MEGF8: variants seen among roughly 807,000 people sequenced by gnomAD.
MEGF8 encodes the protein multiple epidermal growth factor-like domains protein 8.
In MEGF8, 156 loss-of-function variants were observed where a neutral mutation model predicts 302.9. That is an observed-to-expected ratio of 0.52 (90% CI 0.45 to 0.59). The LOEUF is 0.59. Ranked by LOEUF, MEGF8 falls within the 20% of genes least tolerant of loss-of-function variation. The pLI is 0.00. For synonymous variants in MEGF8, 1,621 were observed against 1,660.5 expected (o/e 0.98, Z 0.58); for missense variants, 3,345 against 3,964.5 (o/e 0.84, Z 4.20).
intron 38 of MEGF8, among the ~76,000 whole-genome samples, 174 bp from the exon 39 acceptor site, chr19:42,370,015 G>T (rs553093342): frequency 2.6e-5 from 4 of 152,322 alleles, no homozygotes; most frequent in South Asian, 2.1e-4. Flanking sequence ...AGCACTTTGG[G>T]CTGCAGGTGT....
In MEGF8 at chr19:42,352,484, A is replaced by G; in HGVS notation, c.3350+28A>G. The G allele has an allele frequency of 1.3e-6, 2 of 1,554,600 alleles. No individual in the cohort carries two copies. Among genetic ancestry groups the G allele is most frequent in the Non-Finnish European group, 1.7e-6 (2 of 1,143,748 alleles). On this transcript the variant is annotated intron_variant, in intron 19 of 41. Transcript: ENST00000251268. This position sits in a 1 kb window ranked among gnomAD's most constrained non-coding sequence, Gnocchi z 4.4. ...GAGTGAGGCGGGGGTTGCTATGGAG[A>G]TGTTGCCCCAGGCTGGGGCACATGG... is the stretch of plus-strand genomic sequence containing the variant.
In MEGF8 at chr19:42,359,078, A is replaced by AC. The variant is rs964897704; in HGVS notation, c.5344-14dup. On this transcript the variant is annotated intron_variant, in intron 30 of 41. Transcript: ENST00000251268. ...CTCTGACAGGCTGTCCTGTCCCCCC[A>AC]CCCCCCGTCTCCCCAACAGCCCCGC... 4.1e-6 allele frequency: 3 copies of AC among 732,650 alleles called. No individual in the cohort carries two copies. Among genetic ancestry groups the AC allele is most frequent in the East Asian group, 5.1e-5 (1 of 19,552 alleles). The allele number at this position is 732,650 out of a possible 1,614,324, so 45.4% of individuals were successfully genotyped here.
Position 42,376,041 on chromosome 19 carries a change from C to A in MEGF8, c.7804C>A (p.His2602Asn). The change falls in exon 42 of 42, where the codon CAC becomes AAC. Residue 2602 changes from histidine to asparagine, a missense_variant. Coordinates refer to ENST00000251268, the MANE Select transcript of MEGF8 (RefSeq NM_001271938.2). The surrounding 1 kb of genome is among the most constrained non-coding windows in gnomAD (Gnocchi z 8.2). ...GGACCGGCTGGTCATCACCTACCCA[C>A]ACGAGCACCATGCCCTCAAGTCGAG... ...VRDRLVITYP[H>N]EHHALKSSRF... 1 of 1,604,110 alleles carries A rather than the reference C, an allele frequency of 6.2e-7. No individual in the cohort carries two copies. Among genetic ancestry groups the A allele is most frequent in the Non-Finnish European group, 8.5e-7 (1 of 1,177,746 alleles).
chr19:42,362,399 T>C lies in MEGF8; in HGVS notation c.5860T>C (p.Cys1954Arg), dbSNP rs774522665. Residue 1954 changes from cysteine (C) to arginine (R), a missense_variant, in exon 34 of 42, where the codon TGT becomes CGT. Physicochemically the swap from Cys to Arg is radical, Grantham distance 180. Transcript: ENST00000251268. ...PGDGEASTPR[C>R]KWCTNCPEGA... The stretch of plus-strand genomic sequence containing the variant: ...CCCTCACCAGGCGTCCACCCCCCGC[T>C]GTAAGTGGTGTACCAACTGCCCCGA... 1.9e-6 allele frequency: 3 copies of C among 1,613,904 alleles called. No individual in the cohort carries two copies. Among genetic ancestry groups the C allele is most frequent in the Non-Finnish European group, 1.7e-6 (2 of 1,179,876 alleles).
intron 3 of MEGF8, among the ~76,000 whole-genome samples, chr19:42,334,449 C>G (rs1424116700): frequency 6.6e-6 from 1 of 151,934 alleles, no homozygotes; most frequent in African/African-American, 2.4e-5. Flanking sequence ...CTCATCTATA[C>G]CCCACTCTCA....
In MEGF8 at chr19:42,344,136, T is replaced by C; in HGVS notation, c.1788+63T>C. 1.3e-6 allele frequency: 2 copies of C among 1,563,928 alleles called. No homozygotes were observed. The highest frequency in any genetic ancestry group is 1.7e-6 in the Non-Finnish European group (2 of 1,158,136). On this transcript the variant is annotated intron_variant, in intron 10 of 41. Transcript: ENST00000251268. The surrounding 1 kb of genome is among the most constrained non-coding windows in gnomAD (Gnocchi z 4.5). Reference sequence around the variant, plus strand: ...GAGACCTGCCCTCAGTGTCTCCCTCTGCCTAACCAGATGGACAAGAACTTT... The same window carrying C: ...GAGACCTGCCCTCAGTGTCTCCCTCCGCCTAACCAGATGGACAAGAACTTT...
chr19:42,362,669 T>TG lies in MEGF8; in HGVS notation c.6058+77dup, dbSNP rs1205116287. 7 of 1,504,322 alleles carry TG rather than the reference T, an allele frequency of 4.7e-6. 1 individual carries two copies. The highest frequency in any genetic ancestry group is 4.5e-5 in the South Asian group (4 of 88,448). 93.2% of individuals were successfully genotyped at this position (1,504,322 alleles called of 1,614,324 possible). A position where few individuals can be genotyped will look rare whatever the true frequency, so the allele number is the denominator to read the frequency against. ...CTCCTGGGTCTGAGGGAGGAGGGGC[T>TG]GGGGGCCTGGTCTCCTGGGTCTGAG... On this transcript the variant is annotated intron_variant, in intron 34 of 41. Coordinates refer to ENST00000251268, the MANE Select transcript of MEGF8 (RefSeq NM_001271938.2).
chr19:42,359,371 T>C (rs906598137), intron 31 of MEGF8, 129 bp downstream of exon 31: 5 of 775,948 alleles, frequency 6.4e-6, no homozygotes, highest in African/African-American at 5.5e-5. Flanking sequence ...CCCGCTCTTC[T>C]GGATTATCTG....
intron 9 of MEGF8, 81 bp downstream of exon 9, chr19:42,343,712 G>GCT: frequency 6.8e-7 from 1 of 1,460,374 alleles, no homozygotes; most frequent in Non-Finnish European, 9.1e-7. Flanking sequence ...AAGGCAGGAG[G>GCT]GGATCCCTGG....
At position 42,376,322 on chromosome 19, in the gene MEGF8, C is replaced by T. The variant is rs1306338993; in HGVS notation, c.8085C>T (p.Arg2695=). The T allele has an allele frequency of 1.2e-6, 2 of 1,613,728 alleles. No homozygotes were observed. The highest frequency in any genetic ancestry group is 3.3e-5 in the Admixed American group (2 of 60,024). Residue 2695 remains arginine (R), a synonymous_variant, in exon 42 of 42, where the codon CGC becomes CGT. Transcript: ENST00000251268. This position sits in a 1 kb window ranked among gnomAD's most constrained non-coding sequence, Gnocchi z 8.2. ...AGGAGATGACCAAGATGGCCAGCCGCCCCTTCGCCAAGGTCACCGTCTGCT... is the reference window on the plus strand; with the variant it reads ...AGGAGATGACCAAGATGGCCAGCCGTCCCTTCGCCAAGGTCACCGTCTGCT... The part of the protein sequence containing the change: ...HLQEMTKMAS[R]PFAKVTVCFP...
intron 12 of MEGF8, 32 bp from the exon 13 acceptor site, chr19:42,348,240 A>G (rs772558209): frequency 2.6e-6 from 4 of 1,510,532 alleles, no homozygotes; most frequent in Non-Finnish European, 2.7e-6. Flanking sequence ...CCAGAAAGGG[A>G]CTCACACATA....
chr19:42,336,073 C>G lies in MEGF8; in HGVS notation c.971C>G (p.Pro324Arg), dbSNP rs1251375571. ...GRGHWELLAP[P>R]ASSSSGPPGL... The stretch of plus-strand genomic sequence containing the variant: ...GGCCACTGGGAGCTCCTGGCACCAC[C>G]TGCCTCCAGCTCCTCGGGGCCCCCA... Residue 324 changes from proline to arginine, a missense_variant, in exon 6 of 42, where the codon CCT becomes CGT. Transcript: ENST00000251268. This position sits in a 1 kb window ranked among gnomAD's most constrained non-coding sequence, Gnocchi z 4.8. 1 of 1,596,006 alleles carries G rather than the reference C, an allele frequency of 6.3e-7. No individual in the cohort carries two copies. Among genetic ancestry groups the G allele is most frequent in the Non-Finnish European group, 8.5e-7 (1 of 1,174,724 alleles).
chr19:42,366,662 T>A (rs2039611396), intron 35 of MEGF8, among the ~76,000 whole-genome samples: 1 of 152,216 alleles, frequency 6.6e-6, no homozygotes, highest in Admixed American at 6.5e-5. Context: ...CAGTGGGGAA[T>A]GTCAGCAGAT....
chr19:42,351,570 CT>C lies in MEGF8; in HGVS notation c.2987+11del, dbSNP rs755747202. On this transcript the variant is annotated intron_variant, in intron 17 of 41. Coordinates refer to ENST00000251268, the MANE Select transcript of MEGF8 (RefSeq NM_001271938.2). This position sits in a 1 kb window ranked among gnomAD's most constrained non-coding sequence, Gnocchi z 5.6. ...GAGGCTGGGACGACAGGTATGGTCC[CT>C]GGGGCAGGGCTAACAGAGGAAGATT... 1.6e-4 allele frequency: 263 copies of C among 1,607,526 alleles called. No homozygotes were observed. Among genetic ancestry groups the C allele is most frequent in the Non-Finnish European group, 2.0e-4 (239 of 1,177,308 alleles).
Position 42,375,956 on chromosome 19 carries a change from C to T in MEGF8, c.7719C>T (p.Gly2573=), listed in dbSNP as rs777274120. 1.1e-5 allele frequency: 18 copies of T among 1,606,092 alleles called. No homozygotes were observed. The highest frequency in any genetic ancestry group is 1.1e-4 in the African/African-American group (8 of 74,842). Residue 2573 remains glycine, a synonymous_variant, in exon 42 of 42, where the codon GGC becomes GGT. Coordinates refer to ENST00000251268, the MANE Select transcript of MEGF8 (RefSeq NM_001271938.2). The surrounding 1 kb of genome is among the most constrained non-coding windows in gnomAD (Gnocchi z 7.1). ...EPRVREVWPR[G]LITYVTVTEP... ...GGGTACGGGAGGTATGGCCGCGGGG[C>T]CTGATTACCTACGTGACGGTGACGG...
At chr19:42,366,998 T>C (rs2039615292) in intron 35 of MEGF8, among the ~76,000 whole-genome samples, 1 of 152,224 alleles carries the variant, frequency 6.6e-6, no homozygotes, top group South Asian at 2.1e-4. Context: ...CAGGATTCCA[T>C]GGTTGCTTTG....
At position 42,358,542 on chromosome 19, in the gene MEGF8, C is replaced by G. The variant is rs566577015; in HGVS notation, c.5175+235C>G. 6.6e-6 allele frequency among the ~76,000 whole-genome samples: 1 copy of G among 152,180 alleles called. No individual in the cohort carries two copies. The highest frequency in any genetic ancestry group is 2.4e-5 in the African/African-American group (1 of 41,432). The stretch of plus-strand genomic sequence containing the variant: ...CCCAGCTCTCCCCTGAGTCTTGGTG[C>G]GGCCCTGGCAGGCCCCTTCCCCGTC... On this transcript the variant is annotated intron_variant, in intron 29 of 41. Coordinates refer to ENST00000251268, the MANE Select transcript of MEGF8 (RefSeq NM_001271938.2). The surrounding 1 kb of genome is among the most constrained non-coding windows in gnomAD (Gnocchi z 4.4).
At position 42,356,153 on chromosome 19, in the gene MEGF8, A is replaced by AGCT; in HGVS notation, c.4465_4467dup (p.Leu1489dup). The AGCT allele has an allele frequency of 6.4e-7, 1 of 1,567,314 alleles. No individual in the cohort carries two copies. The highest frequency in any genetic ancestry group is 8.7e-7 in the Non-Finnish European group (1 of 1,155,332). On this transcript the variant is annotated inframe_insertion, in exon 25 of 42. Transcript: ENST00000251268. This position sits in a 1 kb window ranked among gnomAD's most constrained non-coding sequence, Gnocchi z 5.2. ...TGCGCCACCAAGCTGGATGGCGGGC[A>AGCT]GCTGGTCTGGGAGACCCTCATGGAC... is the stretch of plus-strand genomic sequence containing the variant.
chr19:42,339,994 C>G lies in MEGF8; in HGVS notation c.1513+2788C>G, dbSNP rs374635050. 8.5e-5 allele frequency among the ~76,000 whole-genome samples: 13 copies of G among 152,206 alleles called. 1 individual carries two copies. The South Asian group carries it at 2.5e-3, about 29-fold the overall frequency. The stretch of plus-strand genomic sequence containing the variant: ...AATTGCTTGAACCTGGGAGGCAGAG[C>G]TTGCAGTGAGCTGAGTTCGCACCAC... On this transcript the variant is annotated intron_variant, in intron 8 of 41. Transcript: ENST00000251268.
Sources: allele counts gnomAD v4.1 joint callset (sites outside exome capture counted in the v4.1 genomes callset), GRCh38; gene constraint gnomAD v4.1.1; non-coding constraint Gnocchi (gnomAD v3.1); transcripts MANE v1.5; gene names NCBI Gene and HGNC (gene_info 2026-07-23, HGNC 2026-07-21).